CHD1L: variants seen among roughly 807,000 people sequenced by gnomAD.
CHD1L encodes the protein ATP-dependent chromatin remodeler CHD1L.
Under a neutral mutation model 115.9 loss-of-function variants are expected in CHD1L, and 118 were observed. The observed-to-expected ratio is 1.02, with a 90% CI of 0.88 to 1.19. CHD1L has a LOEUF of 1.19. Among genes scored for constraint, CHD1L ranks in the 50% most tolerant of loss-of-function variants. The pLI is 0.00. For synonymous variants in CHD1L, 411 were observed against 387.1 expected (o/e 1.06, Z -0.72); for missense variants, 1,179 against 1,065.3 (o/e 1.11, Z -1.49).
chr1:147,241,612 A>C (rs753939385), upstream of CHD1L, among the ~76,000 whole-genome samples: 69 of 152,188 alleles, frequency 4.5e-4, no homozygotes, highest in Non-Finnish European at 8.1e-4. Context: ...AGTATTTATG[A>C]ATGACTCAAG....
chr1:147,287,752 G>A lies in CHD1L; in HGVS notation c.2320+19G>A, dbSNP rs1559889846. 6.2e-7 allele frequency: 1 copy of A among 1,606,154 alleles called. No homozygotes were observed. The highest frequency in any genetic ancestry group is 1.1e-5 in the South Asian group (1 of 90,794). ...ATGAAAGGTAAGAAGCAAAGCAGAG[G>A]GAAAGGTTAAGGGTGGAATAAGAGA... is the stretch of plus-strand genomic sequence containing the variant. On this transcript the variant is annotated intron_variant, in intron 19 of 22. Transcript: ENST00000369258.
chr1:147,224,840 T>A, the CHD1L span: 6 of 1,546,494 alleles, frequency 3.9e-6, no homozygotes, highest in Non-Finnish European at 5.4e-6. Flanking sequence ...AACTGTCGTA[T>A]GCACCTAGTT....
rs1031668670 is a variant in CHD1L, at chr1:147,265,912, T to C, written c.740-20T>C. On this transcript the variant is annotated intron_variant, in intron 7 of 22. Coordinates refer to ENST00000369258, the MANE Select transcript of CHD1L (RefSeq NM_004284.6). ...TTCTACTTTTGTCCCACACTTCTTG[T>C]ATTTTTTTTTCTTATGTAGCAAGTG... 5 of 1,594,748 alleles carry C rather than the reference T, an allele frequency of 3.1e-6. No homozygotes were observed. Among genetic ancestry groups the C allele is most frequent in the Non-Finnish European group, 2.6e-6 (3 of 1,172,438 alleles).
At chr1:147,284,591 A>T (rs1016660150) in intron 16 of CHD1L, 92 bp downstream of exon 16, 5 of 1,161,406 alleles carry the variant, frequency 4.3e-6, no homozygotes, top group Middle Eastern at 2.1e-4. Flanking sequence ...TTGTTCTCTT[A>T]GGATGATTTG....
At chr1:147,229,683 A>T in the CHD1L span, among the ~76,000 whole-genome samples, 1 of 151,938 alleles carries the variant, frequency 6.6e-6, no homozygotes, top group Non-Finnish European at 1.5e-5. Flanking sequence ...CTTTTATTTC[A>T]TTGAGCAGTG....
chr1:147,245,862 A>G (rs1553933481), intron 1 of CHD1L, among the ~76,000 whole-genome samples: 2 of 152,066 alleles, frequency 1.3e-5, no homozygotes, highest in African/African-American at 4.8e-5. Flanking sequence ...GAAGGATCCC[A>G]TGTAACCTTT....
the CHD1L span, among the ~76,000 whole-genome samples, chr1:147,181,517 A>G: frequency 3.3e-5 from 5 of 152,220 alleles, no homozygotes; most frequent in African/African-American, 1.2e-4. Flanking sequence ...AGGAGACAAC[A>G]TATTTGAGGT....
intron 1 of CHD1L, among the ~76,000 whole-genome samples, chr1:147,246,569 A>G (rs1051707006): frequency 6.6e-6 from 1 of 152,170 alleles, no homozygotes; most frequent in Non-Finnish European, 1.5e-5. Flanking sequence ...CCAGCATTTG[A>G]TATTGCTACT....
the CHD1L span, chr1:147,201,295 T>C: frequency 6.2e-7 from 1 of 1,614,198 alleles, no homozygotes; most frequent in South Asian, 1.1e-5. Flanking sequence ...TATCTTGTTT[T>C]TGACCACTTT....
the CHD1L span, chr1:147,213,469 G>A: frequency 6.3e-7 from 1 of 1,598,314 alleles, no homozygotes; most frequent in Non-Finnish European, 8.5e-7. Flanking sequence ...GCACACAGTG[G>A]TCTGAAAAGA....
At chr1:147,261,751 G>A (rs1672010281) in intron 6 of CHD1L, among the ~76,000 whole-genome samples, 2 of 152,152 alleles carry the variant, frequency 1.3e-5, no homozygotes, top group African/African-American at 2.4e-5. Flanking sequence ...TGAAGAAATG[G>A]TTCTGGGTCA....
chr1:147,248,210 A>T (rs1050689439), intron 1 of CHD1L, among the ~76,000 whole-genome samples: 14 of 150,016 alleles, frequency 9.3e-5, no homozygotes, highest in Admixed American at 4.0e-4. Context: ...TGGAAGTCTT[A>T]TTTTTTTTTT....
chr1:147,295,395 G>A (rs1687165975), intron 22 of CHD1L, 36 bp from the exon 23 acceptor site: 1 of 1,451,654 alleles, frequency 6.9e-7, no homozygotes, highest in African/African-American at 1.4e-5. Context: ...TTGGTTTAAA[G>A]TGATGACATG....
chr1:147,258,957 CTTT>C (rs1229871614), intron 5 of CHD1L: 2 of 152,002 alleles, frequency 1.3e-5, no homozygotes, highest in African/African-American at 4.8e-5. Context: ...ATATTTATAT[CTTT>C]TTTATTATTC....
chr1:147,192,818 T>G, the CHD1L span, among the ~76,000 whole-genome samples: 7 of 152,276 alleles, frequency 4.6e-5, no homozygotes, highest in East Asian at 1.4e-3. Flanking sequence ...TTACATTTAT[T>G]GATTTGTGTA....
intron 7 of CHD1L, 125 bp from the exon 8 acceptor site, chr1:147,265,807 A>G (rs1036727957): frequency 4.1e-5 from 30 of 736,236 alleles, no homozygotes; most frequent in Non-Finnish European, 6.0e-5. Flanking sequence ...AAATGATCAT[A>G]CTGGCCTAGA....
At chr1:147,253,355 C>T (rs1244290417) in intron 2 of CHD1L, among the ~76,000 whole-genome samples, 6 of 152,130 alleles carry the variant, frequency 3.9e-5, no homozygotes, top group African/African-American at 1.2e-4. Context: ...ATTCAATAAG[C>T]CACTTATTAA....
chr1:147,193,145 C>T, the CHD1L span, among the ~76,000 whole-genome samples: 5 of 152,000 alleles, frequency 3.3e-5, no homozygotes, highest in South Asian at 2.1e-4. Flanking sequence ...GTCCTGGACT[C>T]TTTTTGGTTG....
the CHD1L span, chr1:147,205,019 C>T: frequency 6.8e-6 from 5 of 740,226 alleles, no homozygotes; most frequent in Admixed American, 6.2e-5. Context: ...CCTGGAGATA[C>T]ATTCAGTCAC....
Sources: gnomAD v4.1 joint callset for allele counts (sites outside exome capture counted in the v4.1 genomes callset) on GRCh38, gnomAD v4.1.1 for gene constraint, MANE v1.5 for transcripts, NCBI Gene and HGNC (gene_info 2026-07-23, HGNC 2026-07-21) for gene names.